CDV3: variants seen among roughly 807,000 people sequenced by gnomAD.
CDV3 encodes the protein protein CDV3 homolog.
Under a neutral mutation model 24.5 loss-of-function variants are expected in CDV3, and 14 were observed. That is an observed-to-expected ratio of 0.57 (90% CI 0.38 to 0.89). The LOEUF is 0.89. Among genes scored for constraint, CDV3 ranks in the 40% least tolerant of loss-of-function variants. The probability of loss-of-function intolerance (pLI) is 0.00; values close to 1 mark genes in which losing one functional copy is unlikely to be tolerated. For missense variants in CDV3, 304 were observed against 310.2 expected, an observed-to-expected ratio of 0.98 and a Z score of 0.15; for synonymous variants, 114 against 114.1, an observed-to-expected ratio of 1.00 and a Z score of 0.00.
intron 2 of CDV3, among the ~76,000 whole-genome samples, chr3:133,576,013 G>A (rs980954723): frequency 1.3e-5 from 2 of 152,324 alleles, no homozygotes; most frequent in Admixed American, 6.5e-5. Context: ...GTGAGTGCGA[G>A]GCACAGTGGA....
In CDV3 at chr3:133,586,751, T is replaced by C. The variant is rs764295624; in HGVS notation, c.626+29T>C. The C allele has an allele frequency of 4.8e-6, 7 of 1,460,108 alleles. No individual in the cohort carries two copies. In the East Asian group the frequency reaches 1.6e-4, roughly 33 times the overall value. 90.4% of individuals were successfully genotyped at this position (1,460,108 alleles called of 1,614,324 possible). On this transcript the variant is annotated intron_variant, in intron 4 of 4. Coordinates refer to ENST00000264993, the MANE Select transcript of CDV3 (RefSeq NM_017548.5). ...AGTACTATAATTAATTGCATTTTGT[T>C]TGGGACTTCTGTTCCTAGGCCAGGG...
chr3:133,578,260 C>T (rs1316143693), intron 2 of CDV3, among the ~76,000 whole-genome samples: 1 of 152,178 alleles, frequency 6.6e-6, no homozygotes, highest in Non-Finnish European at 1.5e-5. Context: ...GCATGAGCTG[C>T]TAGGCCCAGC....
intron 3 of CDV3, among the ~76,000 whole-genome samples, chr3:133,585,427 C>T (rs899758170): frequency 3.3e-5 from 5 of 151,910 alleles, no homozygotes; most frequent in Admixed American, 2.6e-4. Flanking sequence ...GTGATCTGCC[C>T]GCCTCGGCCT....
chr3:133,583,326 A>C (rs1047398105), intron 2 of CDV3, among the ~76,000 whole-genome samples: 1 of 152,218 alleles, frequency 6.6e-6, no homozygotes, highest in Non-Finnish European at 1.5e-5. Context: ...ACAACTTTCA[A>C]AACTCTTCAT....
chr3:133,578,654 A>C (rs1239434396), intron 2 of CDV3, among the ~76,000 whole-genome samples: 4 of 152,196 alleles, frequency 2.6e-5, no homozygotes, highest in African/African-American at 9.6e-5. Flanking sequence ...GTGCAGTGCC[A>C]TTTTAAGCCT....
Position 133,576,695 on chromosome 3 carries a change from G to C in CDV3, c.317+1580G>C, listed in dbSNP as rs141710684. Among the ~76,000 whole-genome samples, 207 of 152,214 alleles carry C rather than the reference G, an allele frequency of 1.4e-3. 2 individuals carry two copies. Among genetic ancestry groups the C allele is most frequent in the African/African-American group, 4.6e-3 (193 of 41,530 alleles). ...TATAAATTACATGTTCATCTTCAGG[G>C]TTATTTTGATCTTGATCTATTTTGG... On this transcript the variant is annotated intron_variant, in intron 2 of 4. Transcript: ENST00000264993.
chr3:133,574,838 G>A (rs2074742292), intron 1 of CDV3: 1 of 729,946 alleles, frequency 1.4e-6, no homozygotes, highest in Non-Finnish European at 2.0e-6. Context: ...GGAACCCAGC[G>A]GAAGTATAGT....
intron 2 of CDV3, among the ~76,000 whole-genome samples, chr3:133,575,986 T>G (rs2074791221): frequency 6.6e-6 from 1 of 152,228 alleles, no homozygotes; most frequent in Non-Finnish European, 1.5e-5. Flanking sequence ...GAAGGTTGCA[T>G]TTTATAGGCA....
intron 2 of CDV3, among the ~76,000 whole-genome samples, chr3:133,576,848 T>TTTTTTTTTTTTG (rs2074832115): frequency 8.7e-6 from 1 of 115,510 alleles, no homozygotes; most frequent in Non-Finnish European, 1.9e-5. Context: ...TAGCTTTTTT[T>TTTTTTTTTTTTG]TTTTTTTTTT....
intron 2 of CDV3, among the ~76,000 whole-genome samples, chr3:133,582,987 CA>C (rs1933201009): frequency 1.3e-5 from 2 of 152,026 alleles, no homozygotes; most frequent in African/African-American, 4.8e-5. Flanking sequence ...AGTAATCCAG[CA>C]AAAAGAGAAA....
chr3:133,585,956 A>G (rs1200887847), intron 3 of CDV3, among the ~76,000 whole-genome samples: 1 of 152,240 alleles, frequency 6.6e-6, no homozygotes, highest in Non-Finnish European at 1.5e-5. Flanking sequence ...CCCTGATGAG[A>G]CCAGTCATCC....
At chr3:133,574,738 G>GTCGC in intron 1 of CDV3, 1 of 1,098,932 alleles carries the variant, frequency 9.1e-7, no homozygotes, top group Non-Finnish European at 1.1e-6. Context: ...ACTCTCGGTG[G>GTCGC]CAAGGTTGAA....
intron 4 of CDV3, among the ~76,000 whole-genome samples, chr3:133,587,003 G>C (rs1933672933): frequency 6.6e-6 from 1 of 152,204 alleles, no homozygotes; most frequent in African/African-American, 2.4e-5. Context: ...AAGTTTTAAT[G>C]TAGTTAAAAT....
At chr3:133,578,946 T>C (rs1051144146) in intron 2 of CDV3, among the ~76,000 whole-genome samples, 1 of 152,222 alleles carries the variant, frequency 6.6e-6, no homozygotes, top group African/African-American at 2.4e-5. Flanking sequence ...AAAATGCATT[T>C]CTCAAATCTT....
intron 3 of CDV3, among the ~76,000 whole-genome samples, chr3:133,585,009 C>T (rs776840799): frequency 2.6e-5 from 4 of 152,090 alleles, no homozygotes; most frequent in Non-Finnish European, 5.9e-5. Flanking sequence ...CATATCACTC[C>T]AAATCTTGTT....
At position 133,587,947 on chromosome 3, in the gene CDV3, TAGGGATG is replaced by T; in HGVS notation, c.682_688del (p.Asp228PhefsTer11). 1 of 1,613,612 alleles carries T rather than the reference TAGGGATG, an allele frequency of 6.2e-7. No homozygotes were observed. Among genetic ancestry groups the T allele is most frequent in the Non-Finnish European group, 8.5e-7 (1 of 1,179,594 alleles). ...AAGTAGTAAGACACAAAAATAGAGG[TAGGGATG>T]AGGTTTCAAAAAACCAGGCCCTTAA... On this transcript the variant is annotated frameshift_variant, in exon 5 of 5. Transcript: ENST00000264993. LOFTEE classifies it high-confidence loss of function.
Position 133,582,311 on chromosome 3 carries a change from CT to C in CDV3, c.318-1690del, listed in dbSNP as rs1933120813. 5.3e-5 allele frequency among the ~76,000 whole-genome samples: 8 copies of C among 152,254 alleles called. No homozygotes were observed. The South Asian group carries it at 1.7e-3, about 32-fold the overall frequency. On this transcript the variant is annotated intron_variant, in intron 2 of 4. Coordinates refer to ENST00000264993, the MANE Select transcript of CDV3 (RefSeq NM_017548.5). ...AGCTAACCGGCATGTGTCACCACAC[CT>C]GGCTAATTTTTGTGTTTTTAGTGGA...
At chr3:133,586,766 C>G (rs1401088021) in intron 4 of CDV3, 44 bp downstream of exon 4, 1 of 1,278,444 alleles carries the variant, frequency 7.8e-7, no homozygotes, top group South Asian at 1.2e-5. Flanking sequence ...ACTTCTGTTC[C>G]TAGGCCAGGG....
At chr3:133,579,481 TAATAA>T (rs2074936007) in intron 2 of CDV3, among the ~76,000 whole-genome samples, 1 of 152,206 alleles carries the variant, frequency 6.6e-6, no homozygotes, top group Admixed American at 6.5e-5. Flanking sequence ...GATGAAAAAG[TAATAA>T]AATATGTAAA....
Sources: allele counts gnomAD v4.1 joint callset (sites outside exome capture counted in the v4.1 genomes callset), GRCh38; gene constraint gnomAD v4.1.1; transcripts MANE v1.5; gene names NCBI Gene and HGNC (gene_info 2026-07-23, HGNC 2026-07-21).